The following SEL1L3 variants were observed in gnomAD, a reference collection of about 807,000 sequenced individuals.
The protein encoded by SEL1L3 is protein sel-1 homolog 3.
SEL1L3 carries 76 observed loss-of-function variants against 142.8 expected under a neutral mutation model. The observed-to-expected ratio is 0.53, with a 90% CI of 0.44 to 0.64. The LOEUF (loss-of-function observed/expected upper bound fraction) is 0.64. Among genes scored for constraint, SEL1L3 ranks in the 30% least tolerant of loss-of-function variants. The probability of loss-of-function intolerance (pLI) is 0.00; values close to 1 mark genes in which losing one functional copy is unlikely to be tolerated. For missense variants in SEL1L3, 1,262 were observed against 1,381.7 expected, an observed-to-expected ratio of 0.91 and a Z score of 1.37; for synonymous variants, 504 against 519.6, an observed-to-expected ratio of 0.97 and a Z score of 0.41.
chr4:25,794,500 T>C (rs767155801), intron 11 of SEL1L3, among the ~76,000 whole-genome samples: 2 of 152,104 alleles, frequency 1.3e-5, no homozygotes, highest in Non-Finnish European at 2.9e-5. Context: ...GCCAGGTAGA[T>C]AGTGGTGAGT....
At position 25,782,311 on chromosome 4, in the gene SEL1L3, T is replaced by C. The variant is rs1489902074; in HGVS notation, c.2388A>G (p.Pro796=). 1 of 1,613,962 alleles carries C rather than the reference T, an allele frequency of 6.2e-7. No homozygotes were observed. The highest frequency in any genetic ancestry group is 8.5e-7 in the Non-Finnish European group (1 of 1,179,828). The change falls in exon 15 of 24, where the codon CCA becomes CCG. Residue 796 remains proline, a synonymous_variant. Transcript: ENST00000399878. ...YWLKAEEMGN[P]DASYNLGVLH... is the part of the protein sequence containing the mutation. ...GGACTCCAAGATTGTATGACGCATC[T>C]GGGTTCCCCATTTCTTCTGCTTTTA...
At chr4:25,721,192 A>G in the SEL1L3 span, 3 of 150,192 alleles carry the variant, frequency 2.0e-5, no homozygotes, top group Admixed American at 1.3e-4. Context: ...AAGTAACTGA[A>G]CATAAGGATA....
intron 1 of SEL1L3, among the ~76,000 whole-genome samples, chr4:25,849,043 G>A (rs541718517): frequency 6.6e-6 from 1 of 152,284 alleles, no homozygotes; most frequent in Admixed American, 6.5e-5. Context: ...GGAGGCTGAG[G>A]CAGGAGAATC....
intron 7 of SEL1L3, 27 bp from the exon 8 acceptor site, chr4:25,819,967 A>C: frequency 6.3e-7 from 1 of 1,599,598 alleles, no homozygotes; most frequent in Non-Finnish European, 8.5e-7. Flanking sequence ...AAGTCAAATG[A>C]ACAACAATTG....
At chr4:25,760,909 C>T (rs568179290) in intron 20 of SEL1L3, among the ~76,000 whole-genome samples, 17 of 152,146 alleles carry the variant, frequency 1.1e-4, no homozygotes, top group East Asian at 1.9e-4. Flanking sequence ...ATGAGGAAAC[C>T]GAGGCACAGA....
At chr4:25,716,544 G>T in the SEL1L3 span, among the ~76,000 whole-genome samples, 1 of 151,826 alleles carries the variant, frequency 6.6e-6, no homozygotes, top group African/African-American at 2.4e-5. Context: ...TAAAAGATAC[G>T]TACAAAATAT....
chr4:25,837,439 C>T (rs967117418), intron 2 of SEL1L3, among the ~76,000 whole-genome samples: 10 of 150,314 alleles, frequency 6.7e-5, no homozygotes, highest in Admixed American at 1.3e-4. Context: ...AAGAGTTAAA[C>T]GTGAATGACA....
chr4:25,862,844 C>T lies in SEL1L3; in HGVS notation c.-8G>A. 4 of 1,104,730 alleles carry T rather than the reference C, an allele frequency of 3.6e-6. No individual in the cohort carries two copies. Among genetic ancestry groups the T allele is most frequent in the Non-Finnish European group, 4.4e-6 (4 of 908,244 alleles). The allele number at this position is 1,104,730 out of a possible 1,614,324, so 68.4% of individuals were successfully genotyped here. The stretch of plus-strand genomic sequence containing the variant: ...CGCGCCGCGCCGCTGCATGGCGAGG[C>T]CGCCCGGATCCGGGCCGGAACAGGT... On this transcript the variant is annotated 5_prime_UTR_variant, in exon 1 of 24. Coordinates refer to ENST00000399878, the MANE Select transcript of SEL1L3 (RefSeq NM_015187.5).
At chr4:25,843,488 G>A (rs962927042) in intron 2 of SEL1L3, among the ~76,000 whole-genome samples, 5 of 152,194 alleles carry the variant, frequency 3.3e-5, no homozygotes, top group East Asian at 1.9e-4. Context: ...TGGGTCCCCA[G>A]GTCTGGGGCC....
chr4:25,809,525 C>T (rs1054379100), intron 9 of SEL1L3, among the ~76,000 whole-genome samples: 3 of 152,152 alleles, frequency 2.0e-5, no homozygotes, highest in African/African-American at 4.8e-5. Context: ...CTCAAGTGAT[C>T]CTCCCGCATT....
chr4:25,814,586 T>G (rs1344745026), intron 9 of SEL1L3, among the ~76,000 whole-genome samples: 1 of 152,102 alleles, frequency 6.6e-6, no homozygotes, highest in Non-Finnish European at 1.5e-5. Context: ...CAAACACAGT[T>G]CCTGTTAACT....
chr4:25,768,919 A>T (rs1259264063), intron 17 of SEL1L3, among the ~76,000 whole-genome samples: 1 of 149,526 alleles, frequency 6.7e-6, no homozygotes, highest in Non-Finnish European at 1.5e-5. Flanking sequence ...ATAAGCAGAG[A>T]AAAAAAAAAC....
At chr4:25,753,008 G>A (rs1180487867) in intron 23 of SEL1L3, among the ~76,000 whole-genome samples, 2 of 152,216 alleles carry the variant, frequency 1.3e-5, no homozygotes, top group Non-Finnish European at 2.9e-5. Flanking sequence ...TGCTATTTAC[G>A]GAAGAGGGAA....
downstream of SEL1L3, among the ~76,000 whole-genome samples, chr4:25,745,470 C>T (rs373667575): frequency 2.1e-4 from 32 of 152,050 alleles, no homozygotes; most frequent in African/African-American, 7.0e-4. Context: ...TTGCAACCAA[C>T]GTAGAGTTTT....
chr4:25,754,898 A>G (rs1717852948), intron 23 of SEL1L3, among the ~76,000 whole-genome samples: 1 of 152,090 alleles, frequency 6.6e-6, no homozygotes, highest in African/African-American at 2.4e-5. Flanking sequence ...TTGATTTTTA[A>G]AAATGTGTGT....
At chr4:25,772,950 A>C (rs1719336731) in intron 17 of SEL1L3, among the ~76,000 whole-genome samples, 1 of 152,154 alleles carries the variant, frequency 6.6e-6, no homozygotes. Flanking sequence ...GGTGCATACC[A>C]TCACACCCGG....
intron 2 of SEL1L3, among the ~76,000 whole-genome samples, chr4:25,842,974 G>C (rs1716266417): frequency 6.6e-6 from 1 of 152,186 alleles, no homozygotes; most frequent in South Asian, 2.1e-4. Flanking sequence ...CAGAGGGGTA[G>C]GTGAGGTAAG....
Position 25,833,038 on chromosome 4 carries a change from A to G in SEL1L3, c.1055T>C (p.Leu352Ser), listed in dbSNP as rs1715543375. 1.2e-6 allele frequency: 2 copies of G among 1,612,578 alleles called. No homozygotes were observed. Among genetic ancestry groups the G allele is most frequent in the African/African-American group, 2.7e-5 (2 of 75,032 alleles). ...LAVKTKFIIP[L>S]KEWFRLDISF... is the part of the protein sequence containing the mutation. ...GATATCCAGTCGAAACCACTCCTTC[A>G]AAGGTATGATGAATTTAGTTTTTAC... The change falls in exon 5 of 24, where the codon TTG becomes TCG. Residue 352 changes from leucine to serine, a missense_variant. This residue lies in a region of SEL1L3 where 689 missense variants were observed against 692.8 expected (regional missense o/e 0.99). Transcript: ENST00000399878.
intron 1 of SEL1L3, among the ~76,000 whole-genome samples, chr4:25,853,446 G>A (rs1320770197): frequency 6.6e-6 from 1 of 152,050 alleles, no homozygotes; most frequent in Non-Finnish European, 1.5e-5. Flanking sequence ...CAACATGGTA[G>A]TCACAAGTCA....
Sources: gnomAD v4.1 joint callset for allele counts (sites outside exome capture counted in the v4.1 genomes callset) on GRCh38, gnomAD v4.1.1 for gene constraint, gnomAD v4.1.1 regional missense constraint, MANE v1.5 for transcripts, NCBI Gene and HGNC (gene_info 2026-07-23, HGNC 2026-07-21) for gene names.